Variants in ARL15 observed in about 807,000 individuals in gnomAD.
The protein encoded by ARL15 is ARF like GTPase 15.
A neutral mutation model predicts 25.2 loss-of-function variants in ARL15; 19 were observed. The observed-to-expected ratio is 0.75, with a 90% CI of 0.53 to 1.10. The LOEUF (loss-of-function observed/expected upper bound fraction) is 1.10, where lower values mean the gene tolerates loss of function less well. Ranked by LOEUF, ARL15 falls within the 50% of genes least tolerant of loss-of-function variation. The pLI is 0.00. For missense variants in ARL15, 220 were observed against 246.0 expected (o/e 0.89, Z 0.71); for synonymous variants, 94 against 86.8 (o/e 1.08, Z -0.46).
At chr5:54,167,637 G>A (rs549174923) in intron 2 of ARL15, among the ~76,000 whole-genome samples, 2 of 152,236 alleles carry the variant, frequency 1.3e-5, no homozygotes, top group South Asian at 4.1e-4. Flanking sequence ...CCTCTCTTGA[G>A]CATATTCAGT....
intron 1 of ARL15, among the ~76,000 whole-genome samples, chr5:54,189,370 G>A (rs1755332095): frequency 6.6e-6 from 1 of 152,026 alleles, no homozygotes; most frequent in African/African-American, 2.4e-5. Context: ...CAAAGCTGGA[G>A]CTCCAGACTT....
chr5:54,190,027 A>G (rs1755350947), intron 1 of ARL15, among the ~76,000 whole-genome samples: 1 of 152,212 alleles, frequency 6.6e-6, no homozygotes, highest in African/African-American at 2.4e-5. Context: ...TCCAAAGAAG[A>G]TATACAAAAG....
intron 4 of ARL15, among the ~76,000 whole-genome samples, chr5:54,015,186 G>A (rs1749383819): frequency 6.6e-6 from 1 of 151,738 alleles, no homozygotes. Context: ...AGCTACTCAG[G>A]AGGCTGAGGC....
At chr5:54,193,201 T>C (rs1027049590) in intron 1 of ARL15, among the ~76,000 whole-genome samples, 5 of 152,202 alleles carry the variant, frequency 3.3e-5, no homozygotes, top group Non-Finnish European at 7.3e-5. Flanking sequence ...GTTCCTTCTT[T>C]CTATATTTCC....
chr5:53,915,985 C>A (rs919528591), intron 4 of ARL15, among the ~76,000 whole-genome samples: 1 of 152,180 alleles, frequency 6.6e-6, no homozygotes, highest in Admixed American at 6.5e-5. Context: ...TGGCTCACTG[C>A]AGCCTTGACC....
At chr5:54,119,414 C>T (rs1336794852) in intron 3 of ARL15, among the ~76,000 whole-genome samples, 1 of 151,870 alleles carries the variant, frequency 6.6e-6, no homozygotes, top group Non-Finnish European at 1.5e-5. Context: ...CCTAGCCGTA[C>T]CGAGCCAAAA....
intron 4 of ARL15, among the ~76,000 whole-genome samples, chr5:54,063,259 T>A (rs553772152): frequency 6.6e-6 from 1 of 152,296 alleles, no homozygotes; most frequent in Admixed American, 6.5e-5. Context: ...AGTTGAGGGA[T>A]CTGTGGCTTG....
chr5:53,891,055 C>A (rs1744691546), intron 4 of ARL15, among the ~76,000 whole-genome samples: 3 of 152,158 alleles, frequency 2.0e-5, no homozygotes, highest in Admixed American at 6.5e-5. Flanking sequence ...TTTGGTGTGA[C>A]TAAATTTCTA....
At chr5:54,164,665 C>A (rs992930415) in intron 2 of ARL15, among the ~76,000 whole-genome samples, 9 of 152,114 alleles carry the variant, frequency 5.9e-5, no homozygotes, top group African/African-American at 2.2e-4. Context: ...CTAATATTAA[C>A]ATAGCTACCC....
intron 4 of ARL15, among the ~76,000 whole-genome samples, chr5:53,962,276 A>T (rs752675543): frequency 6.6e-6 from 1 of 152,204 alleles, no homozygotes; most frequent in Admixed American, 6.5e-5. Context: ...AATATAAATT[A>T]TACTTGTGTA....
At chr5:54,242,130 T>C (rs941556916) in intron 1 of ARL15, among the ~76,000 whole-genome samples, 2 of 152,080 alleles carry the variant, frequency 1.3e-5, no homozygotes, top group Non-Finnish European at 2.9e-5. Context: ...GCCCCTCTTC[T>C]TCTCCTGCAT....
At chr5:54,192,489 T>C (rs1755433722) in intron 1 of ARL15, among the ~76,000 whole-genome samples, 1 of 151,860 alleles carries the variant, frequency 6.6e-6, no homozygotes, top group African/African-American at 2.4e-5. Context: ...TGGACAGAGG[T>C]TGATGGAATT....
At chr5:54,036,809 T>C (rs957825056) in intron 4 of ARL15, among the ~76,000 whole-genome samples, 1 of 152,184 alleles carries the variant, frequency 6.6e-6, no homozygotes, top group African/African-American at 2.4e-5. Flanking sequence ...AGATTTAGTG[T>C]TTTGTTTCCT....
intron 4 of ARL15, among the ~76,000 whole-genome samples, chr5:54,083,088 G>A (rs777795328): frequency 6.6e-6 from 1 of 152,154 alleles, no homozygotes; most frequent in Non-Finnish European, 1.5e-5. Context: ...TTCACACAAT[G>A]CATTTATTTT....
intron 4 of ARL15, among the ~76,000 whole-genome samples, chr5:53,907,483 TATATA>T (rs1225995918): frequency 5.3e-4 from 18 of 34,014 alleles, no homozygotes; most frequent in East Asian, 2.1e-3. Context: ...TATATATATA[TATATA>T]TTTTTTTTTT....
intron 4 of ARL15, among the ~76,000 whole-genome samples, chr5:54,070,269 G>C (rs370027635): frequency 6.6e-6 from 1 of 151,942 alleles, no homozygotes; most frequent in Non-Finnish European, 1.5e-5. Context: ...CCGGGCGCCT[G>C]TAGTCCCAGC....
chr5:54,237,648 C>T (rs534801862), intron 1 of ARL15, among the ~76,000 whole-genome samples: 1 of 152,318 alleles, frequency 6.6e-6, no homozygotes, highest in East Asian at 1.9e-4. Context: ...ATAACACAAT[C>T]TGAAACCTGG....
At chr5:54,237,986 A>G (rs1039214971) in intron 1 of ARL15, among the ~76,000 whole-genome samples, 32 of 152,236 alleles carry the variant, frequency 2.1e-4, no homozygotes, top group Non-Finnish European at 1.5e-5. Context: ...AAACAAATCC[A>G]CAAGAGTACC....
rs73754405 is a variant in ARL15, at chr5:53,989,201, A to G, written c.463-102488T>C. On this transcript the variant is annotated intron_variant, in intron 4 of 4. Transcript: ENST00000504924. ...CTCCTCTGTAAAATGGAGAAAATAA[A>G]ATATACATTGTATAGCTATTGAAGG... 6.9e-3 allele frequency among the ~76,000 whole-genome samples: 1,045 copies of G among 152,320 alleles called. 15 individuals carry two copies. The highest frequency in any genetic ancestry group is 0.024 in the African/African-American group (981 of 41,562).
Sources: allele counts gnomAD v4.1 joint callset (sites outside exome capture counted in the v4.1 genomes callset), GRCh38; gene constraint gnomAD v4.1.1; transcripts MANE v1.5; gene names NCBI Gene and HGNC (gene_info 2026-07-23, HGNC 2026-07-21).